OR2L13: variants seen among roughly 807,000 people sequenced by gnomAD.
The protein encoded by OR2L13 is olfactory receptor family 2 subfamily L member 13.
Under a neutral mutation model 15.3 loss-of-function variants are expected in OR2L13, and 14 were observed. The ratio of observed to expected loss-of-function variants is 0.91; its 90% CI spans 0.60 to 1.43. OR2L13 has a LOEUF of 1.43. Ranked by LOEUF, OR2L13 falls within the 40% of genes most tolerant of loss-of-function variation. The probability of loss-of-function intolerance (pLI) is 0.00; values close to 1 mark genes in which losing one functional copy is unlikely to be tolerated. For missense variants in OR2L13, 367 were observed against 387.9 expected (o/e 0.95, Z 0.45); for synonymous variants, 152 against 142.9 (o/e 1.06, Z -0.45).
the OR2L13 span, among the ~76,000 whole-genome samples, chr1:247,963,637 G>T: frequency 6.6e-6 from 1 of 151,852 alleles, no homozygotes. Context: ...AGTTAATTTT[G>T]GCATAGTTAT....
chr1:247,999,988 G>T, the OR2L13 span, among the ~76,000 whole-genome samples: 1 of 152,050 alleles, frequency 6.6e-6, no homozygotes, highest in Non-Finnish European at 1.5e-5. Context: ...TCCAGATTCT[G>T]GAAAATCCCA....
the OR2L13 span, among the ~76,000 whole-genome samples, chr1:247,981,977 G>A: frequency 6.6e-6 from 1 of 151,934 alleles, no homozygotes; most frequent in Non-Finnish European, 1.5e-5. Flanking sequence ...CACCACGCCC[G>A]GCTAATGTTT....
At chr1:247,947,470 T>C in the OR2L13 span, among the ~76,000 whole-genome samples, 2 of 152,228 alleles carry the variant, frequency 1.3e-5, no homozygotes, top group African/African-American at 2.4e-5. Flanking sequence ...TGTTTACTGA[T>C]GTCTTACATC....
At chr1:248,042,428 TGCA>T in the OR2L13 span, 1 of 151,776 alleles carries the variant, frequency 6.6e-6, no homozygotes, top group African/African-American at 2.4e-5. Context: ...GTGGGTGCAG[TGCA>T]GCAGCATGGC....
At chr1:248,046,159 T>C in the OR2L13 span, among the ~76,000 whole-genome samples, 1 of 152,034 alleles carries the variant, frequency 6.6e-6, no homozygotes, top group East Asian at 1.9e-4. Flanking sequence ...AAAACAAGAG[T>C]AGTAACATCA....
chr1:248,002,070 C>T, the OR2L13 span, among the ~76,000 whole-genome samples: 1 of 151,988 alleles, frequency 6.6e-6, no homozygotes, highest in Non-Finnish European at 1.5e-5. Flanking sequence ...TGCCAATCTC[C>T]TATTGATTCC....
the OR2L13 span, among the ~76,000 whole-genome samples, chr1:248,001,534 AAAAAT>A: frequency 1.3e-5 from 2 of 151,544 alleles, no homozygotes; most frequent in African/African-American, 4.9e-5. Context: ...CTGTAAATAA[AAAAAT>A]AAAATATAGC....
the OR2L13 span, among the ~76,000 whole-genome samples, chr1:247,957,092 A>G: frequency 6.6e-5 from 10 of 152,222 alleles, no homozygotes; most frequent in Admixed American, 2.6e-4. Context: ...TGTCATAGAT[A>G]GCTCTTATTA....
At chr1:248,100,898 C>T (rs909081714) in exon 3 of OR2L13, 2 of 164,378 alleles carry the variant, frequency 1.2e-5, no homozygotes, top group African/African-American at 4.9e-5. Flanking sequence ...TGAAAATTAA[C>T]AAGTAAAATG....
the OR2L13 span, among the ~76,000 whole-genome samples, chr1:248,042,576 C>T: frequency 6.6e-6 from 1 of 151,738 alleles, no homozygotes; most frequent in Non-Finnish European, 1.5e-5. Context: ...GCAAAAAAGA[C>T]AATAAAATAA....
the OR2L13 span, chr1:248,022,483 A>C: frequency 2.5e-6 from 4 of 1,614,140 alleles, no homozygotes; most frequent in Non-Finnish European, 2.5e-6. Flanking sequence ...TTTTTCTGTG[A>C]TGTTCCAGCT....
chr1:247,947,004 C>G, the OR2L13 span, among the ~76,000 whole-genome samples: 1 of 152,110 alleles, frequency 6.6e-6, no homozygotes, highest in African/African-American at 2.4e-5. Context: ...TATGAATCCC[C>G]TCATTTTTCT....
chr1:248,022,428 T>G, the OR2L13 span: 1 of 1,614,218 alleles, frequency 6.2e-7, no homozygotes, highest in Non-Finnish European at 8.5e-7. Flanking sequence ...TCACACAGTA[T>G]ATGCATTCCG....
the OR2L13 span, among the ~76,000 whole-genome samples, chr1:247,943,617 C>T: frequency 6.6e-6 from 1 of 151,960 alleles, no homozygotes; most frequent in Non-Finnish European, 1.5e-5. Flanking sequence ...TTGAGGAGCA[C>T]CTGGACATAT....
At chr1:247,993,784 A>G in the OR2L13 span, among the ~76,000 whole-genome samples, 1 of 135,380 alleles carries the variant, frequency 7.4e-6, no homozygotes, top group Non-Finnish European at 1.5e-5. Flanking sequence ...AGAGAGAGAG[A>G]GAGAGAGAGA....
chr1:248,037,408 T>A, the OR2L13 span, among the ~76,000 whole-genome samples: 1 of 152,154 alleles, frequency 6.6e-6, no homozygotes, highest in Non-Finnish European at 1.5e-5. Flanking sequence ...CATATGCATT[T>A]AATTTACCTT....
the OR2L13 span, among the ~76,000 whole-genome samples, chr1:248,080,690 T>C: frequency 2.6e-5 from 4 of 152,178 alleles, no homozygotes; most frequent in Non-Finnish European, 4.4e-5. Context: ...TGGGCATTTG[T>C]GTTGGATTCA....
the OR2L13 span, among the ~76,000 whole-genome samples, chr1:248,068,347 C>A: frequency 6.6e-6 from 1 of 152,072 alleles, no homozygotes; most frequent in Non-Finnish European, 1.5e-5. Context: ...CATGAAAATC[C>A]GCTGTTCTGC....
At chr1:248,080,299 T>C in the OR2L13 span, among the ~76,000 whole-genome samples, 2 of 152,280 alleles carry the variant, frequency 1.3e-5, no homozygotes, top group East Asian at 3.9e-4. Flanking sequence ...AATTATACTT[T>C]AAGTTCTGGG....
Sources: allele counts gnomAD v4.1 joint callset (sites outside exome capture counted in the v4.1 genomes callset), GRCh38; gene constraint gnomAD v4.1.1; transcripts MANE v1.5; gene names NCBI Gene and HGNC (gene_info 2026-07-23, HGNC 2026-07-21).